GNAQ: variants seen among roughly 807,000 people sequenced by gnomAD.
GNAQ encodes the protein G protein subunit alpha q, also known as guanine nucleotide-binding protein G(q) subunit alpha.
A neutral mutation model predicts 43.9 loss-of-function variants in GNAQ; 8 were observed. That is an observed-to-expected ratio of 0.18 (90% CI 0.11 to 0.33). The LOEUF (loss-of-function observed/expected upper bound fraction) is 0.33. GNAQ is among the 10% of genes least tolerant of loss of function. GNAQ has a pLI of 1.00. For missense variants in GNAQ, 158 were observed against 450.8 expected, an observed-to-expected ratio of 0.35 and a Z score of 5.88; for synonymous variants, 155 against 170.7, an observed-to-expected ratio of 0.91 and a Z score of 0.71.
chr9:77,840,800 AGAT>A (rs531775769), intron 2 of GNAQ, among the ~76,000 whole-genome samples: 69 of 152,310 alleles, frequency 4.5e-4, no homozygotes, highest in Admixed American at 1.4e-3. Flanking sequence ...AGGGGTGAGA[AGAT>A]GATGATTTGG....
intron 2 of GNAQ, among the ~76,000 whole-genome samples, chr9:77,885,283 A>C (rs1319980168): frequency 6.6e-6 from 1 of 152,168 alleles, no homozygotes; most frequent in Non-Finnish European, 1.5e-5. Context: ...AAGCTCAAGG[A>C]GCCGGGGAAG....
intron 1 of GNAQ, among the ~76,000 whole-genome samples, chr9:78,004,500 A>G (rs1823682024): frequency 6.6e-6 from 1 of 152,036 alleles, no homozygotes; most frequent in East Asian, 1.9e-4. Flanking sequence ...TCTCATGAAC[A>G]TGAAAGTTTG....
At chr9:77,763,301 T>A (rs1043979668) in intron 5 of GNAQ, among the ~76,000 whole-genome samples, 1 of 152,190 alleles carries the variant, frequency 6.6e-6, no homozygotes, top group Non-Finnish European at 1.5e-5. Context: ...CGCTTTGCCT[T>A]CCACAACTAT....
rs1824062074 is a variant in GNAQ, at chr9:78,031,564, A to G, written c.-329T>C. ...GACGCCCGCGCCTCCTTCCCCGGGA[A>G]CAGGCGGCCCGCCTCGCCCCCCGAG... On this transcript the variant is annotated 5_prime_UTR_variant, in exon 1 of 7. Transcript: ENST00000286548. 1 of 149,192 alleles carries G rather than the reference A, an allele frequency of 6.7e-6. No homozygotes were observed. The highest frequency in any genetic ancestry group is 1.5e-5 in the Non-Finnish European group (1 of 67,950). The allele number at this position is 149,192 out of a possible 1,614,324, so 9.2% of individuals were successfully genotyped here.
chr9:78,017,473 C>T (rs1468104399), intron 1 of GNAQ, among the ~76,000 whole-genome samples: 1 of 152,222 alleles, frequency 6.6e-6, no homozygotes, highest in African/African-American at 2.4e-5. Context: ...ACAGCTTATG[C>T]TGTGTCATCT....
rs34924714 is a variant in GNAQ, at chr9:77,853,774, C to CAAAA, written c.322-38008_322-38005dup. On this transcript the variant is annotated intron_variant, in intron 2 of 6. Transcript: ENST00000286548. ...TTTAGGATCTTTGTGAAATTACTAC[C>CAAAA]AAAAAAAAAAAAAAAAAAAAAAAAA... is the stretch of plus-strand genomic sequence containing the variant. 6.9e-4 allele frequency among the ~76,000 whole-genome samples: 39 copies of CAAAA among 56,750 alleles called. 5 individuals carry two copies. Among genetic ancestry groups the CAAAA allele is most frequent in the East Asian group, 1.4e-3 (2 of 1,448 alleles). The allele number at this position is 56,750 out of a possible 152,430, so 37.2% of individuals were successfully genotyped here.
Position 78,011,170 on chromosome 9 carries a change from T to A in GNAQ, c.136+19930A>T, listed in dbSNP as rs551859095. 2.2e-4 allele frequency among the ~76,000 whole-genome samples: 33 copies of A among 152,180 alleles called. 1 individual carries two copies. Among genetic ancestry groups the A allele is most frequent in the Admixed American group, 1.9e-3 (29 of 15,282 alleles). On this transcript the variant is annotated intron_variant, in intron 1 of 6. Transcript: ENST00000286548. ...AGGACAAACAGAATCAGTTGTGAGA[T>A]GAAGCAAAGTTCATAGTAGCCACTG...
chr9:77,995,004 A>G (rs1243136395), intron 1 of GNAQ, among the ~76,000 whole-genome samples: 1 of 152,210 alleles, frequency 6.6e-6, no homozygotes, highest in Non-Finnish European at 1.5e-5. Flanking sequence ...GTGAGAAATA[A>G]TCTAGTGAAT....
chr9:77,813,572 A>G (rs780875816), intron 3 of GNAQ, among the ~76,000 whole-genome samples: 25 of 152,186 alleles, frequency 1.6e-4, no homozygotes, highest in Non-Finnish European at 3.1e-4. Context: ...GTCATCAGAG[A>G]TATGATGAAG....
Position 77,771,757 on chromosome 9 carries a change from GC to G in GNAQ, c.735+22705del, listed in dbSNP as rs566969215. ...ATGAGGTTGCATGTCTGTGAAGCTG[GC>G]CCTGTTAGTGGAAGAAATGTTGCAT... On this transcript the variant is annotated intron_variant, in intron 5 of 6. Coordinates refer to ENST00000286548, the MANE Select transcript of GNAQ (RefSeq NM_002072.5). Among the ~76,000 whole-genome samples, 70 of 152,260 alleles carry G rather than the reference GC, an allele frequency of 4.6e-4. No homozygotes were observed. In the East Asian group the frequency reaches 0.012, roughly 25 times the overall value.
At chr9:77,815,031 C>G (rs772839465) in intron 3 of GNAQ, among the ~76,000 whole-genome samples, 1 of 152,154 alleles carries the variant, frequency 6.6e-6, no homozygotes, top group African/African-American at 2.4e-5. Context: ...TGACTGACAG[C>G]TCACAAAATA....
chr9:77,909,913 C>T (rs976154041), intron 2 of GNAQ, among the ~76,000 whole-genome samples: 13 of 151,988 alleles, frequency 8.6e-5, no homozygotes, highest in Admixed American at 8.5e-4. Flanking sequence ...TGAAATGACA[C>T]AAAAAGTCAT....
rs936597933 is a variant in GNAQ, at chr9:78,031,801, C to G, written c.-566G>C. On this transcript the variant is annotated 5_prime_UTR_variant, in exon 1 of 7. Coordinates refer to ENST00000286548, the MANE Select transcript of GNAQ (RefSeq NM_002072.5). The stretch of plus-strand genomic sequence containing the variant: ...TCGCGCGCAGACCCGGTTCCCGTCC[C>G]GCCCGGCAACCGCGCGCTCCTCCGC... Among the ~76,000 whole-genome samples the G allele has an allele frequency of 1.3e-5, 2 of 149,180 alleles. No homozygotes were observed. Among genetic ancestry groups the G allele is most frequent in the African/African-American group, 2.4e-5 (1 of 41,036 alleles).
chr9:77,877,660 C>T (rs1257427233), intron 2 of GNAQ, among the ~76,000 whole-genome samples: 1 of 152,130 alleles, frequency 6.6e-6, no homozygotes, highest in Non-Finnish European at 1.5e-5. Context: ...TGATCCCATT[C>T]TGTACTTAAA....
chr9:77,828,651 G>A (rs1176869459), intron 2 of GNAQ, among the ~76,000 whole-genome samples: 1 of 152,184 alleles, frequency 6.6e-6, no homozygotes, highest in Middle Eastern at 3.2e-3. Flanking sequence ...TTTCATGTTA[G>A]ATCAATAAAT....
At chr9:77,861,483 G>A (rs908633822) in intron 2 of GNAQ, among the ~76,000 whole-genome samples, 1 of 152,144 alleles carries the variant, frequency 6.6e-6, no homozygotes, top group African/African-American at 2.4e-5. Context: ...GAGAAGGCAA[G>A]TCCCTTCCGC....
intron 1 of GNAQ, among the ~76,000 whole-genome samples, chr9:77,976,527 G>T (rs1043253596): frequency 1.6e-4 from 24 of 152,262 alleles, no homozygotes; most frequent in African/African-American, 5.8e-4. Context: ...CAAGTAGCTG[G>T]GATTACAGGC....
At chr9:77,953,480 T>TC (rs1564161595) in intron 1 of GNAQ, among the ~76,000 whole-genome samples, 1 of 152,146 alleles carries the variant, frequency 6.6e-6, no homozygotes, top group African/African-American at 2.4e-5. Flanking sequence ...AGGTGTGTTT[T>TC]CCCCTTGGAC....
chr9:77,938,323 G>C (rs890085722), intron 1 of GNAQ, among the ~76,000 whole-genome samples: 4 of 150,694 alleles, frequency 2.7e-5, no homozygotes, highest in Non-Finnish European at 6.0e-5. Flanking sequence ...TAACCGCTTT[G>C]TTCTTTCTCT....
Sources: allele counts gnomAD v4.1 joint callset (sites outside exome capture counted in the v4.1 genomes callset), GRCh38; gene constraint gnomAD v4.1.1; transcripts MANE v1.5; gene names NCBI Gene and HGNC (gene_info 2026-07-23, HGNC 2026-07-21).